STEAP4: variants seen among roughly 807,000 people sequenced by gnomAD.
STEAP4 encodes STEAP4 metalloreductase.
A neutral mutation model predicts 43.6 loss-of-function variants in STEAP4; 36 were observed. The observed-to-expected ratio is 0.83, with a 90% CI of 0.63 to 1.09. The LOEUF is 1.09. Ranked by LOEUF, STEAP4 falls within the 50% of genes least tolerant of loss-of-function variation. The pLI is 0.00. For missense variants in STEAP4, 495 were observed against 546.5 expected, an observed-to-expected ratio of 0.91 and a Z score of 0.94; for synonymous variants, 191 against 196.7, an observed-to-expected ratio of 0.97 and a Z score of 0.24.
intron 1 of STEAP4, chr7:88,293,056 T>C (rs1242653971): frequency 6.6e-6 from 1 of 152,210 alleles, no homozygotes; most frequent in Non-Finnish European, 1.5e-5. Flanking sequence ...TTCTGGGTCA[T>C]ATGGTGTTTG....
At chr7:88,279,663 T>C in intron 4 of STEAP4, 35 bp from the exon 5 acceptor site, 3 of 1,515,062 alleles carry the variant, frequency 2.0e-6, no homozygotes, top group Non-Finnish European at 2.7e-6. Context: ...TAAGTTAACA[T>C]TATTTACATC....
At chr7:88,303,184 TAAAAAAAAAAAA>T (rs112528523) in intron 1 of STEAP4, among the ~76,000 whole-genome samples, 1 of 101,700 alleles carries the variant, frequency 9.8e-6, no homozygotes, top group Non-Finnish European at 2.1e-5. Context: ...TAATCTGCAT[TAAAAAAAAAAAA>T]AAAAAAAAAA....
At position 88,285,771 on chromosome 7, in the gene STEAP4, A is replaced by G. The variant is rs539800970; in HGVS notation, c.-2-1500T>C. On this transcript the variant is annotated intron_variant, in intron 1 of 4. Transcript: ENST00000380079. ...GACTTTGTCTCAAAAAAAAAAAAAAAAAAGAAAGAAAGAAAAGAAAAAAGA... is the reference window on the plus strand; with the variant it reads ...GACTTTGTCTCAAAAAAAAAAAAAAGAAAGAAAGAAAGAAAAGAAAAAAGA... Among the ~76,000 whole-genome samples, 52 of 150,780 alleles carry G rather than the reference A, an allele frequency of 3.4e-4. No individual in the cohort carries two copies. In the East Asian group the frequency reaches 3.5e-3, roughly 10 times the overall value.
chr7:88,295,491 T>G (rs556696060), intron 1 of STEAP4, among the ~76,000 whole-genome samples: 3 of 152,276 alleles, frequency 2.0e-5, no homozygotes, highest in East Asian at 1.9e-4. Flanking sequence ...GCCTGGGCAC[T>G]TTTTTAAGCT....
chr7:88,292,311 G>T (rs1852848696), intron 1 of STEAP4: 2 of 152,094 alleles, frequency 1.3e-5, no homozygotes, highest in Non-Finnish European at 2.9e-5. Context: ...CCTCTCAGAG[G>T]TAAGAGGTCT....
rs144044107 is a variant in STEAP4, at chr7:88,289,061, CGTGT to C, written c.-2-4794_-2-4791del. ...TTATTTTTTTTGGTGCATGCATGCG[CGTGT>C]GTGTGTGTGTGTGTGTATGTGTGTG... On this transcript the variant is annotated intron_variant, in intron 1 of 4. Coordinates refer to ENST00000380079, the MANE Select transcript of STEAP4 (RefSeq NM_024636.4). Among the ~76,000 whole-genome samples, 23 of 148,384 alleles carry C rather than the reference CGTGT, an allele frequency of 1.6e-4. No individual in the cohort carries two copies. The South Asian group carries it at 4.0e-3, about 26-fold the overall frequency.
chr7:88,283,121 A>G lies in STEAP4; in HGVS notation c.504T>C (p.Asp168=). 1 of 1,590,088 alleles carries G rather than the reference A, an allele frequency of 6.3e-7. No individual in the cohort carries two copies. Residue 168 remains aspartate (D), a synonymous_variant, in exon 3 of 5, where the codon GAT becomes GAC. Transcript: ENST00000380079. ...NDSKAKQRVM[D]IVRNLGLTPM... is the part of the protein sequence containing the mutation. ...GAGTAAGTCCAAGATTACGAACAAT[A>G]TCCATCACTCTTTGCTTGGCTTTGC...
At position 88,296,078 on chromosome 7, in the gene STEAP4, C is replaced by G. The variant is rs756398584; in HGVS notation, c.-3+10714G>C. ...TGTAGGTAAGGTTTGTTCCATAACT[C>G]TCTCAAGGAAACCTTAAAGAGTTGT... is the stretch of plus-strand genomic sequence containing the variant. On this transcript the variant is annotated intron_variant, in intron 1 of 4. Transcript: ENST00000380079. Among the ~76,000 whole-genome samples, 32 of 152,088 alleles carry G rather than the reference C, an allele frequency of 2.1e-4. 1 individual carries two copies. Among genetic ancestry groups the G allele is most frequent in the South Asian group, 4.1e-4 (2 of 4,822 alleles).
At chr7:88,296,631 A>G (rs2116010094) in intron 1 of STEAP4, among the ~76,000 whole-genome samples, 1 of 152,286 alleles carries the variant, frequency 6.6e-6, no homozygotes, top group Admixed American at 6.5e-5. Context: ...GGGTTCTGCA[A>G]CTATATCAGT....
intron 1 of STEAP4, among the ~76,000 whole-genome samples, chr7:88,288,879 C>G (rs199707316): frequency 1.3e-5 from 2 of 152,056 alleles, no homozygotes; most frequent in East Asian, 3.8e-4. Flanking sequence ...AACCATGTGG[C>G]TGTAGAATTT....
At chr7:88,292,570 A>T (rs918685554) in intron 1 of STEAP4, 1 of 152,092 alleles carries the variant, frequency 6.6e-6, no homozygotes, top group African/African-American at 2.4e-5. Flanking sequence ...CTAGAGTACA[A>T]TATCCAAACC....
intron 1 of STEAP4, among the ~76,000 whole-genome samples, chr7:88,291,770 T>C (rs1404346346): frequency 1.3e-5 from 2 of 152,172 alleles, no homozygotes; most frequent in Non-Finnish European, 2.9e-5. Context: ...AGAAGAGTTA[T>C]TAAGGGAAAC....
At chr7:88,306,629 G>T (rs561380461) in intron 1 of STEAP4, among the ~76,000 whole-genome samples, 163 bp downstream of exon 1, 2 of 152,394 alleles carry the variant, frequency 1.3e-5, no homozygotes, top group South Asian at 4.1e-4. Context: ...TCGCGGAGCA[G>T]CCTCAGGTGA....
At chr7:88,283,475 C>A (rs1317459485) in intron 2 of STEAP4, 5 of 480,542 alleles carry the variant, frequency 1.0e-5, no homozygotes, top group African/African-American at 3.9e-5. Context: ...CTTATGAATG[C>A]TTCTAATCTC....
chr7:88,284,634 C>T (rs1297064898), intron 1 of STEAP4, among the ~76,000 whole-genome samples: 1 of 152,136 alleles, frequency 6.6e-6, no homozygotes, highest in African/African-American at 2.4e-5. Flanking sequence ...TTAGCAAACA[C>T]AATCCAGCAG....
At chr7:88,291,678 A>T (rs1237939840) in intron 1 of STEAP4, among the ~76,000 whole-genome samples, 1 of 152,140 alleles carries the variant, frequency 6.6e-6, no homozygotes, top group East Asian at 1.9e-4. Context: ...TCAAAGACTT[A>T]AAAAAGTTTT....
chr7:88,303,882 T>C (rs1369248992), intron 1 of STEAP4, among the ~76,000 whole-genome samples: 1 of 152,222 alleles, frequency 6.6e-6, no homozygotes, highest in African/African-American at 2.4e-5. Flanking sequence ...CAGGACTGAT[T>C]TCTTCTTAAC....
At chr7:88,283,660 G>T in intron 2 of STEAP4, 154 bp downstream of exon 2, 1 of 820,742 alleles carries the variant, frequency 1.2e-6, no homozygotes, top group Non-Finnish European at 1.9e-6. Flanking sequence ...CACCTTATTT[G>T]GTCAAGCTCA....
rs1451970715 is a variant in STEAP4 at position 88,279,086 on chromosome 7, A to C, written c.*312T>G. On this transcript the variant is annotated 3_prime_UTR_variant, in exon 5 of 5. Transcript: ENST00000380079. Reference sequence around the variant, plus strand: ...GATTTTGCAAGACATTAGGTCATGCATGTTGCCCATAACAAGGAAACTCTT... The same window carrying C: ...GATTTTGCAAGACATTAGGTCATGCCTGTTGCCCATAACAAGGAAACTCTT... 5.7e-6 allele frequency: 2 copies of C among 351,844 alleles called. No individual in the cohort carries two copies. Among genetic ancestry groups the C allele is most frequent in the East Asian group, 1.3e-4 (2 of 15,356 alleles). 21.8% of individuals were successfully genotyped at this position (351,844 alleles called of 1,614,324 possible).
Sources: gnomAD v4.1 joint callset for allele counts (sites outside exome capture counted in the v4.1 genomes callset) on GRCh38, gnomAD v4.1.1 for gene constraint, MANE v1.5 for transcripts, NCBI Gene and HGNC (gene_info 2026-07-23, HGNC 2026-07-21) for gene names.